The following AP1G2 variants were observed in gnomAD, a reference collection of about 807,000 sequenced individuals.
AP1G2 encodes the protein adaptor related protein complex 1 subunit gamma 2.
Under a neutral mutation model 95.8 loss-of-function variants are expected in AP1G2, and 85 were observed. The ratio of observed to expected loss-of-function variants is 0.89; its 90% CI spans 0.74 to 1.06. The LOEUF is 1.06. Ranked by LOEUF, AP1G2 falls within the 50% of genes least tolerant of loss-of-function variation. The pLI, the probability that AP1G2 is intolerant of heterozygous loss-of-function variation, is 0.00. For synonymous variants in AP1G2, 378 were observed against 400.0 expected (o/e 0.94, Z 0.66); for missense variants, 967 against 1,005.8 (o/e 0.96, Z 0.52).
chr14:23,563,234 A>G, intron 14 of AP1G2, 146 bp downstream of exon 14: 1 of 1,452,840 alleles, frequency 6.9e-7, no homozygotes, highest in South Asian at 1.5e-5. Context: ...GTTCTTAAAA[A>G]CAGGGCTCTG....
Position 23,562,364 on chromosome 14 carries a change from T to C in AP1G2, c.1552A>G (p.Met518Val), listed in dbSNP as rs769210525. The change falls in exon 16 of 22, where the codon ATG (methionine) becomes GTG (valine). Residue 518 changes from methionine (M) to valine (V), a missense_variant. By Grantham distance (21) the Met-to-Val change is conservative (BLOSUM62 1). Coordinates refer to ENST00000397120, the MANE Select transcript of AP1G2 (RefSeq NM_003917.5). The stretch of plus-strand genomic sequence containing the variant: ...TATCCTCGAGTGGCTGGCAGGGACA[T>C]GTGGGACTGCAGCACCTTTTCCAGC... Reference protein sequence around the residue: ...ALLEKVLQSHMSLPATRGYAL... With the variant: ...ALLEKVLQSHVSLPATRGYAL... 1.9e-6 allele frequency: 3 copies of C among 1,614,072 alleles called. No homozygotes were observed. Among genetic ancestry groups the C allele is most frequent in the Admixed American group, 1.7e-5 (1 of 60,022 alleles).
chr14:23,567,681 C>G lies in AP1G2; in HGVS notation c.-6+58G>C. 1 of 1,051,378 alleles carries G rather than the reference C, an allele frequency of 9.5e-7. No homozygotes were observed. The highest frequency in any genetic ancestry group is 1.1e-6 in the Non-Finnish European group (1 of 871,528). The allele number at this position is 1,051,378 out of a possible 1,614,324, so 65.1% of individuals were successfully genotyped here. A position where few individuals can be genotyped will look rare whatever the true frequency, so the allele number is the denominator to read the frequency against. On this transcript the variant is annotated intron_variant, in intron 1 of 21. Transcript: ENST00000397120. This position sits in a 1 kb window ranked among gnomAD's most constrained non-coding sequence, Gnocchi z 5.3. ...TCCGCGAGCTTCCTCCCCCGATTTC[C>G]ATCTCAGGCAGCGGCAGCGGCAGCG...
Position 23,565,471 on chromosome 14 carries a change from G to A in AP1G2, c.741+135C>T, listed in dbSNP as rs566585665. On this transcript the variant is annotated intron_variant, in intron 7 of 21. Transcript: ENST00000397120. ...CCCCTCACAGGTCCTGGGATGACCC[G>A]AGCAATCCTGTGCCTGCTACTCTGC... 1.3e-4 allele frequency: 107 copies of A among 818,324 alleles called. No individual in the cohort carries two copies. The African/African-American group carries it at 1.6e-3, about 12-fold the overall frequency. 50.7% of individuals were successfully genotyped at this position (818,324 alleles called of 1,614,324 possible). A position where few individuals can be genotyped will look rare whatever the true frequency, so the allele number is the denominator to read the frequency against.
Position 23,567,063 on chromosome 14 carries a change from C to G in AP1G2, c.204+48G>C, listed in dbSNP as rs1888401490. 1 of 1,569,612 alleles carries G rather than the reference C, an allele frequency of 6.4e-7. No homozygotes were observed. Among genetic ancestry groups the G allele is most frequent in the Admixed American group, 2.0e-5 (1 of 50,922 alleles). On this transcript the variant is annotated intron_variant, in intron 2 of 21. Coordinates refer to ENST00000397120, the MANE Select transcript of AP1G2 (RefSeq NM_003917.5). This position sits in a 1 kb window ranked among gnomAD's most constrained non-coding sequence, Gnocchi z 5.3. Reference sequence around the variant, plus strand: ...CAGGTGAGAGAGTCTGGGACTCTGCCCCACTAGCCTTCATCAAGCTCAGGA... The same window carrying G: ...CAGGTGAGAGAGTCTGGGACTCTGCGCCACTAGCCTTCATCAAGCTCAGGA...
In AP1G2 at chr14:23,559,779, C is replaced by A; in HGVS notation, c.2328G>T (p.Val776=). 6.2e-7 allele frequency: 1 copy of A among 1,614,104 alleles called. No homozygotes were observed. Among genetic ancestry groups the A allele is most frequent in the South Asian group, 1.1e-5 (1 of 91,062 alleles). Residue 776 remains valine, a synonymous_variant, in exon 22 of 22, where the codon GTG becomes GTT. Coordinates refer to ENST00000397120, the MANE Select transcript of AP1G2 (RefSeq NM_003917.5). The stretch of plus-strand genomic sequence containing the variant: ...GCCACGATTCCACAGGCAAGTTGTT[C>A]ACCTCAAAGATCTCCTGCACCGACT... ...FHQSVQEIFE[V]NNLPVESWQ
chr14:23,565,392 TA>T (rs3215714), intron 7 of AP1G2, 193 bp from the exon 8 acceptor site: 88,037 of 655,088 alleles, frequency 0.13, 7,693 homozygotes, highest in African/African-American at 0.33. Flanking sequence ...AGGACAGGCT[TA>T]AAAAAAAAAT....
Position 23,563,821 on chromosome 14 carries a change from CT to C in AP1G2, c.1126del (p.Ser376AlafsTer7), listed in dbSNP as rs773541483. 1 of 1,614,084 alleles carries C rather than the reference CT, an allele frequency of 6.2e-7. No homozygotes were observed. The highest frequency in any genetic ancestry group is 1.1e-5 in the South Asian group (1 of 91,086). ...TTGCATCATGGCTCGCACATTGGAG[CT>C]ATTTACCAGAGCCAGGCTTAGTTCC... ...ALELSLALVN[S>X]SNVRAMMQEL... On this transcript the variant is annotated frameshift_variant, in exon 12 of 22. Coordinates refer to ENST00000397120, the MANE Select transcript of AP1G2 (RefSeq NM_003917.5). LOFTEE classifies it high-confidence loss of function.
chr14:23,564,475 G>A, intron 9 of AP1G2, 87 bp from the exon 10 acceptor site: 1 of 1,600,136 alleles, frequency 6.2e-7, no homozygotes, highest in East Asian at 2.2e-5. Context: ...CAAGATGATG[G>A]GGCTAGGAGG....
chr14:23,560,981 T>C (rs1047147939), intron 19 of AP1G2: 3 of 599,712 alleles, frequency 5.0e-6, no homozygotes, highest in Non-Finnish European at 6.6e-6. Context: ...GAACATTCCA[T>C]GTAAAAAAGA....
intron 16 of AP1G2, 35 bp from the exon 17 acceptor site, chr14:23,562,101 T>C: frequency 6.2e-7 from 1 of 1,606,856 alleles, no homozygotes; most frequent in Non-Finnish European, 8.5e-7. Flanking sequence ...GCTATGGCAG[T>C]GTGCCACTGC....
chr14:23,567,719 C>A lies in AP1G2; in HGVS notation c.-6+20G>T. ...GGCAGCGGCAGCGACAGCCTGCCTA[C>A]CCCAGGACTCCAGCCTCACCTGGCT... is the stretch of plus-strand genomic sequence containing the variant. On this transcript the variant is annotated intron_variant, in intron 1 of 21. Coordinates refer to ENST00000397120, the MANE Select transcript of AP1G2 (RefSeq NM_003917.5). This position sits in a 1 kb window ranked among gnomAD's most constrained non-coding sequence, Gnocchi z 5.3. The A allele has an allele frequency of 1.1e-6, 1 of 886,366 alleles. No homozygotes were observed. The highest frequency in any genetic ancestry group is 1.4e-6 in the Non-Finnish European group (1 of 735,002). The allele number at this position is 886,366 out of a possible 1,614,324, so 54.9% of individuals were successfully genotyped here.
At chr14:23,564,930 C>T (rs1308300985) in intron 8 of AP1G2, 189 bp downstream of exon 8, 5 of 661,400 alleles carry the variant, frequency 7.6e-6, no homozygotes, top group Non-Finnish European at 1.0e-5. Context: ...TACTATGTGC[C>T]AGGGCCAGCC....
intron 19 of AP1G2, chr14:23,561,063 T>C (rs979551822): frequency 7.1e-5 from 88 of 1,246,364 alleles, no homozygotes; most frequent in Admixed American, 1.1e-4. Flanking sequence ...GGGAAAGTGG[T>C]ATAAGAAGGG....
chr14:23,562,279 C>A lies in AP1G2; in HGVS notation c.1628+9G>T. 1 of 1,614,058 alleles carries A rather than the reference C, an allele frequency of 6.2e-7. No individual in the cohort carries two copies. The highest frequency in any genetic ancestry group is 8.5e-7 in the Non-Finnish European group (1 of 1,179,972). On this transcript the variant is annotated intron_variant, in intron 16 of 21. Coordinates refer to ENST00000397120, the MANE Select transcript of AP1G2 (RefSeq NM_003917.5). ...GGCCATCTCTCAAGGGGCTGGGACCCCTTCTTACTTGTTGTCCCCACAGAG... is the reference window on the plus strand; with the variant it reads ...GGCCATCTCTCAAGGGGCTGGGACCACTTCTTACTTGTTGTCCCCACAGAG...
rs1463580131 is a variant in AP1G2 at position 23,560,254 on chromosome 14, C to T, written c.2157+1G>A. Reference sequence around the variant, plus strand: ...ACCTCTGAACTCTGATCTTTACAAACCTTGGGCACAGCAGCCTGGCAGATG... The same window carrying T: ...ACCTCTGAACTCTGATCTTTACAAATCTTGGGCACAGCAGCCTGGCAGATG... On this transcript the variant is annotated splice_donor_variant, in intron 20 of 21. Transcript: ENST00000397120. LOFTEE classifies it high-confidence loss of function. 42 of 1,613,148 alleles carry T rather than the reference C, an allele frequency of 2.6e-5. No individual in the cohort carries two copies. Among genetic ancestry groups the T allele is most frequent in the Non-Finnish European group, 3.6e-5 (42 of 1,179,980 alleles).
Position 23,567,102 on chromosome 14 carries a change from G to C in AP1G2, c.204+9C>G. 6.2e-7 allele frequency: 1 copy of C among 1,607,554 alleles called. No individual in the cohort carries two copies. The highest frequency in any genetic ancestry group is 8.5e-7 in the Non-Finnish European group (1 of 1,177,086). On this transcript the variant is annotated intron_variant, in intron 2 of 21. Coordinates refer to ENST00000397120, the MANE Select transcript of AP1G2 (RefSeq NM_003917.5). This position sits in a 1 kb window ranked among gnomAD's most constrained non-coding sequence, Gnocchi z 5.3. ...TCAAGCTCAGGAGGGAGGTATTCCT[G>C]GCCAGTACCTGTCCAAAGTGGGCGG...
In AP1G2 at chr14:23,563,590, CA is replaced by C. The variant is rs1270663905; in HGVS notation, c.1280del (p.Leu427ArgfsTer16). The C allele has an allele frequency of 6.2e-7, 1 of 1,614,214 alleles. No homozygotes were observed. The highest frequency in any genetic ancestry group is 8.5e-7 in the Non-Finnish European group (1 of 1,180,022). The part of the protein sequence containing the change: ...RWHIDTILHV[L>X]TTAGTHVRDD... ...TGACTGGCCCCTGCCTCACCGTTGT[CA>C]GCACATGCAGGATGGTGTCTATGTG... On this transcript the variant is annotated frameshift_variant, in exon 13 of 22. Transcript: ENST00000397120. LOFTEE classifies it high-confidence loss of function.
Position 23,567,615 on chromosome 14 carries a change from C to G in AP1G2, c.-6+124G>C. ...CCCCTACCTGGTACCCCATCCCTAG[C>G]TCAGCCATTGCTTTTTTTTCCACGA... On this transcript the variant is annotated intron_variant, in intron 1 of 21. Coordinates refer to ENST00000397120, the MANE Select transcript of AP1G2 (RefSeq NM_003917.5). The surrounding 1 kb of genome is among the most constrained non-coding windows in gnomAD (Gnocchi z 5.3). 1 of 1,177,666 alleles carries G rather than the reference C, an allele frequency of 8.5e-7. No individual in the cohort carries two copies. Among genetic ancestry groups the G allele is most frequent in the Non-Finnish European group, 1.1e-6 (1 of 951,050 alleles). The allele number at this position is 1,177,666 out of a possible 1,614,324, so 73.0% of individuals were successfully genotyped here.
chr14:23,562,823 C>T, intron 14 of AP1G2: 1 of 584,972 alleles, frequency 1.7e-6, no homozygotes, highest in Non-Finnish European at 3.0e-6. Context: ...ACTTCCAGAC[C>T]TGGCAATATC....
Sources: gnomAD v4.1 joint callset for allele counts on GRCh38, gnomAD v4.1.1 for gene constraint, Gnocchi (gnomAD v3.1) non-coding constraint, MANE v1.5 for transcripts, NCBI Gene and HGNC (gene_info 2026-07-23, HGNC 2026-07-21) for gene names.